Variants in MAN1A1 observed in about 807,000 individuals in gnomAD.
The protein encoded by MAN1A1 is mannosidase alpha class 1A member 1.
MAN1A1 carries 29 observed loss-of-function variants against 70.8 expected under a neutral mutation model. The observed-to-expected ratio is 0.41, with a 90% CI of 0.31 to 0.56. MAN1A1 has a LOEUF of 0.56. MAN1A1 is among the 20% of genes least tolerant of loss of function. The pLI, the probability that MAN1A1 is intolerant of heterozygous loss-of-function variation, is 0.29. For synonymous variants in MAN1A1, 349 were observed against 330.1 expected, an observed-to-expected ratio of 1.06 and a Z score of -0.62; for missense variants, 747 against 841.3, an observed-to-expected ratio of 0.89 and a Z score of 1.39.
intron 4 of MAN1A1, among the ~76,000 whole-genome samples, chr6:119,294,192 T>C (rs984667741): frequency 1.3e-5 from 2 of 152,146 alleles, no homozygotes; most frequent in Non-Finnish European, 2.9e-5. Flanking sequence ...TGGGGCTTGA[T>C]ATATTTTGTA....
intron 10 of MAN1A1, among the ~76,000 whole-genome samples, chr6:119,189,117 C>T (rs1433711987): frequency 6.6e-6 from 1 of 152,046 alleles, no homozygotes; most frequent in Non-Finnish European, 1.5e-5. Context: ...AAAATATTAA[C>T]AATTTATTTT....
intron 5 of MAN1A1, among the ~76,000 whole-genome samples, chr6:119,276,497 G>C (rs970481020): frequency 1.3e-5 from 2 of 152,172 alleles, no homozygotes; most frequent in African/African-American, 2.4e-5. Flanking sequence ...AGATGATAGA[G>C]AGAAGTCTAC....
intron 2 of MAN1A1, among the ~76,000 whole-genome samples, chr6:119,307,550 A>T (rs1297047499): frequency 6.6e-6 from 1 of 152,114 alleles, no homozygotes; most frequent in Non-Finnish European, 1.5e-5. Flanking sequence ...TTTTGGAAAA[A>T]CTTGTTTATT....
intron 2 of MAN1A1, among the ~76,000 whole-genome samples, chr6:119,326,782 C>A (rs1291377203): frequency 1.3e-5 from 2 of 152,172 alleles, no homozygotes; most frequent in East Asian, 3.9e-4. Flanking sequence ...GATTCAATTA[C>A]CTCCACCTGG....
At chr6:119,323,561 G>C (rs957725823) in intron 2 of MAN1A1, among the ~76,000 whole-genome samples, 3 of 152,108 alleles carry the variant, frequency 2.0e-5, no homozygotes, top group Admixed American at 6.6e-5. Context: ...TGTGTCTTGT[G>C]ATTTTCAGTT....
upstream of MAN1A1, among the ~76,000 whole-genome samples, chr6:119,350,208 G>A (rs1773872785): frequency 6.6e-6 from 1 of 152,198 alleles, no homozygotes; most frequent in African/African-American, 2.4e-5. Context: ...GGGGTCCCGG[G>A]AAAGGCGGGG....
At chr6:119,240,212 A>G (rs1774964089) in intron 6 of MAN1A1, among the ~76,000 whole-genome samples, 1 of 152,230 alleles carries the variant, frequency 6.6e-6, no homozygotes, top group African/African-American at 2.4e-5. Flanking sequence ...AAGGGATTTA[A>G]GCAACTCTCG....
At chr6:119,312,259 A>G (rs1347380242) in intron 2 of MAN1A1, among the ~76,000 whole-genome samples, 2 of 152,198 alleles carry the variant, frequency 1.3e-5, no homozygotes, top group East Asian at 3.9e-4. Context: ...AAAAACAGTG[A>G]TTTTAAAAGC....
chr6:119,291,387 C>T (rs565694538), intron 4 of MAN1A1, among the ~76,000 whole-genome samples: 1 of 152,060 alleles, frequency 6.6e-6, no homozygotes, highest in South Asian at 2.1e-4. Context: ...TGAAAACGGA[C>T]TAATGCAAGA....
chr6:119,316,625 C>A (rs1405530474), intron 2 of MAN1A1, among the ~76,000 whole-genome samples: 1 of 152,122 alleles, frequency 6.6e-6, no homozygotes, highest in Admixed American at 6.5e-5. Flanking sequence ...CCCAAACATT[C>A]TAACTCATAC....
At chr6:119,219,117 T>C (rs534610486) in intron 6 of MAN1A1, among the ~76,000 whole-genome samples, 1 of 152,310 alleles carries the variant, frequency 6.6e-6, no homozygotes, top group South Asian at 2.1e-4. Context: ...GGACTTACTG[T>C]ATTCTGAAGT....
chr6:119,348,698 C>A lies in MAN1A1; in HGVS notation c.368G>T (p.Arg123Met). 1 of 1,609,132 alleles carries A rather than the reference C, an allele frequency of 6.2e-7. No homozygotes were observed. Among genetic ancestry groups the A allele is most frequent in the Non-Finnish European group, 8.5e-7 (1 of 1,178,058 alleles). ...PEAALEDNLA[R>M]IRENHERALR... The stretch of plus-strand genomic sequence containing the variant: ...AGCCCGCTCGTGGTTTTCGCGGATC[C>A]TGGCCAAGTTGTCCTCCAGGGCGGC... Residue 123 changes from arginine to methionine, a missense_variant, in exon 2 of 13, where the codon AGG (arginine) becomes ATG (methionine). Around this residue, in one of 2 missense-constraint regions of MAN1A1, gnomAD observed 328 missense variants for 293.1 expected, o/e 1.12. Coordinates refer to ENST00000368468, the MANE Select transcript of MAN1A1 (RefSeq NM_005907.4).
At position 119,178,949 on chromosome 6, in the gene MAN1A1, A is replaced by G. The variant is rs886634895; in HGVS notation, c.*870T>C. On this transcript the variant is annotated 3_prime_UTR_variant, in exon 13 of 13. Transcript: ENST00000368468. ...AAATACCCTCTCTTTAGACAGACCC[A>G]ATTTCTTCATATATTCAGTTAAACC... 6.6e-6 allele frequency: 1 copy of G among 152,156 alleles called. No individual in the cohort carries two copies. The highest frequency in any genetic ancestry group is 2.4e-5 in the African/African-American group (1 of 41,448). 9.4% of individuals were successfully genotyped at this position (152,156 alleles called of 1,614,324 possible). A position where few individuals can be genotyped will look rare whatever the true frequency, so the allele number is the denominator to read the frequency against.
intron 9 of MAN1A1, among the ~76,000 whole-genome samples, chr6:119,192,225 T>C (rs1773460789): frequency 6.6e-6 from 1 of 152,158 alleles, no homozygotes; most frequent in South Asian, 2.1e-4. Context: ...TCTGCCAGTA[T>C]GGTAATTAGA....
rs570065909 is a variant in MAN1A1 at position 119,315,497 on chromosome 6, T to C, written c.604-8505A>G. Among the ~76,000 whole-genome samples the C allele has an allele frequency of 6.6e-5, 10 of 152,292 alleles. No homozygotes were observed. In the East Asian group the frequency reaches 1.9e-3, roughly 29 times the overall value. ...GTGTTTCCAGTTCTAGCTAAAAAAA[T>C]TGGATCATATGCATTTAATGGTTCT... On this transcript the variant is annotated intron_variant, in intron 2 of 12. Transcript: ENST00000368468.
At chr6:119,288,398 A>T (rs1776436251) in intron 5 of MAN1A1, among the ~76,000 whole-genome samples, 1 of 151,990 alleles carries the variant, frequency 6.6e-6, no homozygotes, top group Admixed American at 6.6e-5. Context: ...ATAAAACTTT[A>T]TCAACTATTT....
At chr6:119,263,291 A>T (rs892437813) in intron 5 of MAN1A1, among the ~76,000 whole-genome samples, 2 of 152,120 alleles carry the variant, frequency 1.3e-5, no homozygotes, top group Non-Finnish European at 2.9e-5. Flanking sequence ...ATATATGTAG[A>T]TCTACAGATA....
chr6:119,311,685 G>C (rs1456665824), intron 2 of MAN1A1, among the ~76,000 whole-genome samples: 1 of 152,144 alleles, frequency 6.6e-6, no homozygotes, highest in Non-Finnish European at 1.5e-5. Flanking sequence ...AGAAGGGGAG[G>C]AGGACAAAGG....
Position 119,349,049 on chromosome 6 carries a change from A to C in MAN1A1, c.17T>G (p.Leu6Arg). The C allele has an allele frequency of 7.6e-7, 1 of 1,324,300 alleles. No homozygotes were observed. The highest frequency in any genetic ancestry group is 2.2e-5 in the South Asian group (1 of 46,210). 82.0% of individuals were successfully genotyped at this position (1,324,300 alleles called of 1,614,324 possible). A position where few individuals can be genotyped will look rare whatever the true frequency, so the allele number is the denominator to read the frequency against. Residue 6 changes from leucine to arginine, a missense_variant, in exon 2 of 13, where the codon CTG becomes CGG. Coordinates refer to ENST00000368468, the MANE Select transcript of MAN1A1 (RefSeq NM_005907.4). ...CGCGGGGCTGCTGAAGAGCGGCAAC[A>C]GGCCCCCCACGGGCATCGCTCCCGC... MPVGGLLPLFSSPAGG... is the reference protein window; with the variant it reads MPVGGRLPLFSSPAGG...
Sources: gnomAD v4.1 joint callset for allele counts (sites outside exome capture counted in the v4.1 genomes callset) on GRCh38, gnomAD v4.1.1 for gene constraint, gnomAD v4.1.1 regional missense constraint, MANE v1.5 for transcripts, NCBI Gene and HGNC (gene_info 2026-07-23, HGNC 2026-07-21) for gene names.